PCDHA3: variants seen among roughly 807,000 people sequenced by gnomAD.
PCDHA3 encodes the protein protocadherin alpha 3.
A neutral mutation model predicts 62.2 loss-of-function variants in PCDHA3; 41 were observed. That is an observed-to-expected ratio of 0.66 (90% CI 0.51 to 0.86). The LOEUF is 0.86. Among genes scored for constraint, PCDHA3 ranks in the 40% least tolerant of loss-of-function variants. The pLI is 0.00. For synonymous variants in PCDHA3, 640 were observed against 555.4 expected, an observed-to-expected ratio of 1.15 and a Z score of -2.14; for missense variants, 1,304 against 1,241.2, an observed-to-expected ratio of 1.05 and a Z score of -0.76.
intron 1 of PCDHA3, chr5:140,816,296 T>C (rs1765877176): frequency 6.6e-6 from 1 of 152,258 alleles, no homozygotes; most frequent in South Asian, 2.1e-4. Context: ...CTGTTGAACA[T>C]GTCTGTAAAA....
chr5:140,842,604 G>C, intron 1 of PCDHA3: 4 of 1,550,196 alleles, frequency 2.6e-6, no homozygotes, highest in Non-Finnish European at 3.5e-6. Context: ...GTAACCGCGC[G>C]GGACGGGGGC....
At chr5:140,858,220 G>A (rs1271468400) in intron 1 of PCDHA3, 1 of 1,595,980 alleles carries the variant, frequency 6.3e-7, no homozygotes, top group South Asian at 1.1e-5. Context: ...GCTCGGCGGC[G>A]CCCACCGAGG....
rs1763174931 is a variant in PCDHA3, at chr5:140,803,339, A to G, written c.2142A>G (p.Thr714=). 3 of 1,614,026 alleles carry G rather than the reference A, an allele frequency of 1.9e-6. No individual in the cohort carries two copies. The highest frequency in any genetic ancestry group is 2.5e-6 in the Non-Finnish European group (3 of 1,179,996). The part of the protein sequence containing the change: ...ICAVSSLLVL[T]LLLYTALRCS... ...CGGTGTCCAGTCTGTTGGTGCTCAC[A>G]CTGCTGCTATATACTGCTCTGCGGT... is the stretch of plus-strand genomic sequence containing the variant. Residue 714 remains threonine, a synonymous_variant, in exon 1 of 4, where the codon ACA becomes ACG. Transcript: ENST00000522353.
intron 1 of PCDHA3, among the ~76,000 whole-genome samples, chr5:140,974,181 A>G (rs1361812242): frequency 3.9e-5 from 6 of 152,226 alleles, no homozygotes; most frequent in Non-Finnish European, 8.8e-5. Context: ...TAACTTGACA[A>G]ATGCAAAGGA....
intron 1 of PCDHA3, among the ~76,000 whole-genome samples, chr5:140,899,543 G>C (rs1231734616): frequency 1.3e-5 from 2 of 152,144 alleles, no homozygotes; most frequent in Non-Finnish European, 2.9e-5. Flanking sequence ...CTTGATCATG[G>C]TGGATAAGCT....
intron 1 of PCDHA3, among the ~76,000 whole-genome samples, chr5:140,946,634 A>ATATATATATAT (rs1554217761): frequency 2.7e-5 from 4 of 147,312 alleles, no homozygotes; most frequent in African/African-American, 7.7e-5. Context: ...ATATATATAC[A>ATATATATATAT]ATGGAATACT....
chr5:140,834,191 T>G, intron 1 of PCDHA3: 1 of 586,888 alleles, frequency 1.7e-6, no homozygotes, highest in South Asian at 2.5e-5. Context: ...ATGATGTCGC[T>G]CTTTACCGCA....
rs1554149565 is a variant in PCDHA3, at chr5:140,857,132, G to T, written c.2394+53541G>T. Reference sequence around the variant, plus strand: ...TCTGTCTCTCCCAGTGAAAGAAGATGCTCAAGTGGGCACCGTCATTGCCCT... The same window carrying T: ...TCTGTCTCTCCCAGTGAAAGAAGATTCTCAAGTGGGCACCGTCATTGCCCT... On this transcript the variant is annotated intron_variant, in intron 1 of 3. Coordinates refer to ENST00000522353, the MANE Select transcript of PCDHA3 (RefSeq NM_018906.3). The T allele has an allele frequency of 3.1e-6, 5 of 1,598,146 alleles. 1 individual carries two copies. The South Asian group carries it at 3.3e-5, about 11-fold the overall frequency.
In PCDHA3 at chr5:140,875,591, A is replaced by G. The variant is rs1438500941; in HGVS notation, c.2394+72000A>G. ...CACTACTCCGTCTACGAGGAGGCCAAACACGGCACCTTCGTGGGCCGCATC... is the reference window on the plus strand; with the variant it reads ...CACTACTCCGTCTACGAGGAGGCCAGACACGGCACCTTCGTGGGCCGCATC... On this transcript the variant is annotated intron_variant, in intron 1 of 3. Coordinates refer to ENST00000522353, the MANE Select transcript of PCDHA3 (RefSeq NM_018906.3). The G allele has an allele frequency of 9.3e-6, 15 of 1,613,878 alleles. No homozygotes were observed. The highest frequency in any genetic ancestry group is 1.7e-5 in the Admixed American group (1 of 60,004).
chr5:140,868,238 C>T (rs1413759486), intron 1 of PCDHA3: 6 of 151,984 alleles, frequency 3.9e-5, no homozygotes, highest in African/African-American at 7.2e-5. Flanking sequence ...TCATCTAGAT[C>T]AATAGACTTT....
At chr5:140,913,235 G>A (rs1554195817) in intron 1 of PCDHA3, among the ~76,000 whole-genome samples, 4 of 152,144 alleles carry the variant, frequency 2.6e-5, no homozygotes. Context: ...TTTGCTGGGA[G>A]ACTTTTTGTT....
intron 1 of PCDHA3, among the ~76,000 whole-genome samples, chr5:140,832,629 T>G (rs1394763115): frequency 3.9e-5 from 6 of 152,122 alleles, no homozygotes; most frequent in Non-Finnish European, 8.8e-5. Context: ...TTTTAAAAAG[T>G]TCCTAGGAGG....
intron 1 of PCDHA3, among the ~76,000 whole-genome samples, chr5:140,912,310 A>G (rs936183695): frequency 4.0e-5 from 6 of 151,764 alleles, no homozygotes; most frequent in African/African-American, 1.2e-4. Context: ...AATCCAGTCA[A>G]GTTGACCCTC....
intron 1 of PCDHA3, chr5:140,883,623 C>A: frequency 6.2e-7 from 1 of 1,613,988 alleles, no homozygotes; most frequent in Non-Finnish European, 8.5e-7. Context: ...AACGACAACG[C>A]GCCGGCGTTC....
chr5:140,853,170 C>G, intron 1 of PCDHA3: 1 of 964,208 alleles, frequency 1.0e-6, no homozygotes, highest in South Asian at 4.8e-5. Flanking sequence ...TGAGCCACCG[C>G]GCCTGGCCTA....
chr5:140,966,543 A>G lies in PCDHA3; in HGVS notation c.2395-12406A>G, dbSNP rs200134570. 641 of 461,190 alleles carry G rather than the reference A, an allele frequency of 1.4e-3. 4 individuals carry two copies. The highest frequency in any genetic ancestry group is 0.011 in the African/African-American group (555 of 49,108). The allele number at this position is 461,190 out of a possible 1,614,324, so 28.6% of individuals were successfully genotyped here. ...AGCCGAGCCGGGTTGAGCGACTCGGAGGCGAGCGGAGGAGCTGGAATATGG... is the reference window on the plus strand; with the variant it reads ...AGCCGAGCCGGGTTGAGCGACTCGGGGGCGAGCGGAGGAGCTGGAATATGG... On this transcript the variant is annotated intron_variant, in intron 1 of 3. Coordinates refer to ENST00000522353, the MANE Select transcript of PCDHA3 (RefSeq NM_018906.3).
intron 1 of PCDHA3, among the ~76,000 whole-genome samples, chr5:140,839,119 A>T (rs1433775897): frequency 1.3e-5 from 2 of 151,922 alleles, no homozygotes; most frequent in Non-Finnish European, 2.9e-5. Flanking sequence ...TTAAGCCATA[A>T]TATGTCATTC....
chr5:140,946,363 A>T (rs2093934761), intron 1 of PCDHA3, among the ~76,000 whole-genome samples: 1 of 151,892 alleles, frequency 6.6e-6, no homozygotes, highest in African/African-American at 2.4e-5. Flanking sequence ...AGAAAAGGGA[A>T]CTCTTGCACA....
chr5:140,988,387 T>G (rs1337322360), intron 3 of PCDHA3, among the ~76,000 whole-genome samples: 1 of 152,202 alleles, frequency 6.6e-6, no homozygotes, highest in Non-Finnish European at 1.5e-5. Flanking sequence ...CTCATTGTGT[T>G]TGCCAGAGTT....
Sources: allele counts gnomAD v4.1 joint callset (sites outside exome capture counted in the v4.1 genomes callset), GRCh38; gene constraint gnomAD v4.1.1; transcripts MANE v1.5; gene names NCBI Gene and HGNC (gene_info 2026-07-23, HGNC 2026-07-21).